Variants in PTPN14 observed in about 807,000 individuals in gnomAD.
PTPN14 encodes the protein tyrosine-protein phosphatase non-receptor type 14.
PTPN14 carries 53 observed loss-of-function variants against 126.8 expected under a neutral mutation model. That is an observed-to-expected ratio of 0.42 (90% CI 0.34 to 0.53). The LOEUF is 0.53. PTPN14 is among the 20% of genes least tolerant of loss of function. PTPN14 has a pLI of 0.08. For synonymous variants in PTPN14, 630 were observed against 599.3 expected, an observed-to-expected ratio of 1.05 and a Z score of -0.75; for missense variants, 1,257 against 1,552.9, an observed-to-expected ratio of 0.81 and a Z score of 3.20.
intron 2 of PTPN14, among the ~76,000 whole-genome samples, chr1:214,459,538 T>C (rs188481448): frequency 2.5e-3 from 370 of 150,126 alleles, no homozygotes; most frequent in Admixed American, 4.5e-3. Context: ...GGCGCGATCT[T>C]GGTTCACTGC....
chr1:214,512,472 T>C (rs12568873), intron 1 of PTPN14, among the ~76,000 whole-genome samples: 1 of 152,104 alleles, frequency 6.6e-6, no homozygotes, highest in East Asian at 1.9e-4. Context: ...TTCTGTATGA[T>C]TCCATTTATA....
At chr1:214,430,931 A>G (rs911385799) in intron 3 of PTPN14, among the ~76,000 whole-genome samples, 4 of 152,214 alleles carry the variant, frequency 2.6e-5, no homozygotes, top group South Asian at 4.1e-4. Context: ...GTGCCACTCT[A>G]TATCTTGCAG....
At chr1:214,371,250 T>C (rs1658211361) in intron 16 of PTPN14, among the ~76,000 whole-genome samples, 1 of 152,056 alleles carries the variant, frequency 6.6e-6, no homozygotes, top group South Asian at 2.1e-4. Context: ...TCTTAACCCT[T>C]TTTCCATTTT....
chr1:214,544,634 C>A (rs1276288199), intron 1 of PTPN14, among the ~76,000 whole-genome samples: 1 of 151,892 alleles, frequency 6.6e-6, no homozygotes, highest in Non-Finnish European at 1.5e-5. Context: ...GCCTGTAATC[C>A]CAGCTACTCA....
rs1657819823 is a variant in PTPN14, at chr1:214,356,319, C to T, written c.*1603G>A. On this transcript the variant is annotated 3_prime_UTR_variant, in exon 19 of 19. Coordinates refer to ENST00000366956, the MANE Select transcript of PTPN14 (RefSeq NM_005401.5). Reference sequence around the variant, plus strand: ...ACTGACCACTGTGGGCATTCCATGCCTTCCTCCACTGCCGCCTTTTTCCCA... The same window carrying T: ...ACTGACCACTGTGGGCATTCCATGCTTTCCTCCACTGCCGCCTTTTTCCCA... 6.6e-6 allele frequency: 1 copy of T among 152,122 alleles called. No individual in the cohort carries two copies. Among genetic ancestry groups the T allele is most frequent in the African/African-American group, 2.4e-5 (1 of 41,404 alleles). The allele number at this position is 152,122 out of a possible 1,614,324, so 9.4% of individuals were successfully genotyped here. A position where few individuals can be genotyped will look rare whatever the true frequency, so the allele number is the denominator to read the frequency against.
In PTPN14 at chr1:214,412,032, T is replaced by A. The variant is rs529776434; in HGVS notation, c.443-281A>T. On this transcript the variant is annotated intron_variant, in intron 4 of 18. Transcript: ENST00000366956. ...AAAAAATTTTAAACAAACCTATATC[T>A]ATCTGTTTGTTAAATATGCATCAAT... Among the ~76,000 whole-genome samples, 4 of 152,320 alleles carry A rather than the reference T, an allele frequency of 2.6e-5. No individual in the cohort carries two copies. The South Asian group carries it at 8.3e-4, about 32-fold the overall frequency.
chr1:214,390,877 T>C, intron 11 of PTPN14, 111 bp downstream of exon 11: 1 of 890,246 alleles, frequency 1.1e-6, no homozygotes. Flanking sequence ...GCCTCTGTGT[T>C]CTCACAAAAT....
chr1:214,539,270 T>C (rs1024294974), intron 1 of PTPN14, among the ~76,000 whole-genome samples: 1 of 152,210 alleles, frequency 6.6e-6, no homozygotes, highest in Non-Finnish European at 1.5e-5. Flanking sequence ...TTCCATAACA[T>C]AGATTTTTTT....
chr1:214,542,135 T>G (rs1208827184), intron 1 of PTPN14, among the ~76,000 whole-genome samples: 1 of 152,030 alleles, frequency 6.6e-6, no homozygotes, highest in East Asian at 2.0e-4. Context: ...GTATGTTATA[T>G]GTACACACAC....
intron 12 of PTPN14, among the ~76,000 whole-genome samples, chr1:214,385,965 C>G (rs1658598912): frequency 6.6e-6 from 1 of 152,194 alleles, no homozygotes; most frequent in African/African-American, 2.4e-5. Context: ...CACTTTCAGA[C>G]AGCAGAGGAT....
At chr1:214,473,419 T>C (rs1359309045) in intron 1 of PTPN14, among the ~76,000 whole-genome samples, 2 of 152,236 alleles carry the variant, frequency 1.3e-5, no homozygotes, top group Non-Finnish European at 2.9e-5. Flanking sequence ...TTCTTTTTAG[T>C]TCCCATGCTA....
At chr1:214,457,272 A>G (rs12068200) in intron 2 of PTPN14, among the ~76,000 whole-genome samples, 39,247 of 152,140 alleles carry the variant, frequency 0.26, 5,970 homozygotes, top group Non-Finnish European at 0.33. Context: ...AAAAGGGGAT[A>G]AATTAGAGGA....
At chr1:214,409,910 C>T (rs35630729) in intron 5 of PTPN14, among the ~76,000 whole-genome samples, 17,047 of 152,152 alleles carry the variant, frequency 0.11, 1,062 homozygotes, top group Middle Eastern at 0.14. Context: ...ATTAGTGATG[C>T]TGGGCATTTT....
intron 1 of PTPN14, among the ~76,000 whole-genome samples, chr1:214,518,172 T>C (rs1655155744): frequency 1.3e-5 from 2 of 152,302 alleles, no homozygotes; most frequent in Admixed American, 6.5e-5. Context: ...ATGGGATGAA[T>C]TTCTCTTCCC....
At chr1:214,476,528 C>G (rs564407557) in intron 1 of PTPN14, among the ~76,000 whole-genome samples, 1 of 152,272 alleles carries the variant, frequency 6.6e-6, no homozygotes, top group South Asian at 2.1e-4. Flanking sequence ...GTTCCCTCAA[C>G]TTCTCTCCCA....
At chr1:214,442,351 C>A (rs1200247036) in intron 3 of PTPN14, among the ~76,000 whole-genome samples, 2 of 152,174 alleles carry the variant, frequency 1.3e-5, no homozygotes, top group Admixed American at 6.5e-5. Flanking sequence ...AAAAAGTTTT[C>A]AATTTTGGTA....
Position 214,378,055 on chromosome 1 carries a change from C to T in PTPN14, c.2592G>A (p.Pro864=), listed in dbSNP as rs146015168. 3.7e-6 allele frequency: 6 copies of T among 1,612,512 alleles called. No individual in the cohort carries two copies. Among genetic ancestry groups the T allele is most frequent in the East Asian group, 2.2e-5 (1 of 44,866 alleles). The change falls in exon 14 of 19, where the codon CCG becomes CCA. Residue 864 remains proline (P), a synonymous_variant. Coordinates refer to ENST00000366956, the MANE Select transcript of PTPN14 (RefSeq NM_005401.5). ...GCCCATTCAATGCTGCCAACATCAG[C>T]GGCCTCTTCTGTGCCTCCAGGCCTG... ...KMAGLEAQKR[P]LMLAALNGLS...
chr1:214,402,526 T>C (rs1330825732), intron 6 of PTPN14, among the ~76,000 whole-genome samples: 1 of 150,400 alleles, frequency 6.6e-6, no homozygotes, highest in Non-Finnish European at 1.5e-5. Context: ...CTTCCTTGAA[T>C]TAAAGTTTCT....
chr1:214,485,804 C>G (rs897998913), intron 1 of PTPN14, among the ~76,000 whole-genome samples: 1 of 152,074 alleles, frequency 6.6e-6, no homozygotes, highest in African/African-American at 2.4e-5. Context: ...CAGCTCACTG[C>G]AAGCTCCGCC....
Sources: gnomAD v4.1 joint callset for allele counts (sites outside exome capture counted in the v4.1 genomes callset) on GRCh38, gnomAD v4.1.1 for gene constraint, MANE v1.5 for transcripts, NCBI Gene and HGNC (gene_info 2026-07-23, HGNC 2026-07-21) for gene names.